CRACDL: variants seen among roughly 807,000 people sequenced by gnomAD.
CRACDL encodes CRACD like.
A neutral mutation model predicts 70.6 loss-of-function variants in CRACDL; 26 were observed. The observed-to-expected ratio is 0.37, with a 90% CI of 0.27 to 0.51. The LOEUF is 0.51. Among genes scored for constraint, CRACDL ranks in the 20% least tolerant of loss-of-function variants. CRACDL has a pLI of 0.94. For missense variants in CRACDL, 1,283 were observed against 1,376.9 expected (o/e 0.93, Z 1.08); for synonymous variants, 618 against 615.2 (o/e 1.00, Z -0.07).
chr2:98,869,400 C>T (rs1423152941), intron 1 of CRACDL: 8 of 642,630 alleles, frequency 1.2e-5, no homozygotes, highest in South Asian at 6.5e-5. Context: ...TTCCGCCTTC[C>T]ACTCCAAGCC....
Position 98,822,632 on chromosome 2 carries a change from C to T in CRACDL, c.1641G>A (p.Ala547=), listed in dbSNP as rs1271326162. The T allele has an allele frequency of 2.2e-6, 3 of 1,364,538 alleles. No individual in the cohort carries two copies. Among genetic ancestry groups the T allele is most frequent in the Non-Finnish European group, 2.8e-6 (3 of 1,068,886 alleles). The allele number at this position is 1,364,538 out of a possible 1,614,324, so 84.5% of individuals were successfully genotyped here. The change falls in exon 7 of 10, where the codon GCG becomes GCA. Residue 547 remains alanine (A), a synonymous_variant. Coordinates refer to ENST00000397899, the MANE Select transcript of CRACDL (RefSeq NM_207362.3). The surrounding 1 kb of genome is among the most constrained non-coding windows in gnomAD (Gnocchi z 4.9). Reference sequence around the variant, plus strand: ...CCGCCCTCTCGGCGCCCGCCGGTGGCGCCTCGGCTCGCTCGGCCTTGGGGC... The same window carrying T: ...CCGCCCTCTCGGCGCCCGCCGGTGGTGCCTCGGCTCGCTCGGCCTTGGGGC... ...PERPKAERAE[A]PPAGAERAAP...
At chr2:98,902,911 C>T (rs1224243734) in intron 1 of CRACDL, among the ~76,000 whole-genome samples, 1 of 152,110 alleles carries the variant, frequency 6.6e-6, no homozygotes, top group Non-Finnish European at 1.5e-5. Flanking sequence ...GAAAACGAAC[C>T]GACTGTCCTA....
At chr2:98,879,084 T>C (rs1299959873) in intron 1 of CRACDL, among the ~76,000 whole-genome samples, 2 of 152,160 alleles carry the variant, frequency 1.3e-5, no homozygotes, top group Admixed American at 6.5e-5. Context: ...TCCGAGCCCC[T>C]GCCCACTCAC....
chr2:98,816,267 G>T (rs1704779937), intron 7 of CRACDL, among the ~76,000 whole-genome samples: 2 of 152,136 alleles, frequency 1.3e-5, no homozygotes, highest in Admixed American at 1.3e-4. Flanking sequence ...TCAGTTTAGG[G>T]TTTTATGACG....
chr2:98,812,015 C>T (rs187045282), intron 7 of CRACDL, among the ~76,000 whole-genome samples: 20 of 152,276 alleles, frequency 1.3e-4, no homozygotes, highest in African/African-American at 4.6e-4. Flanking sequence ...TGCTCTGTCA[C>T]CCAGGCTGGA....
At chr2:98,812,130 C>T (rs1180265120) in intron 7 of CRACDL, among the ~76,000 whole-genome samples, 3 of 152,170 alleles carry the variant, frequency 2.0e-5, no homozygotes, top group Admixed American at 6.5e-5. Context: ...TGTGCACCAC[C>T]GCACTCAGTT....
intron 1 of CRACDL, among the ~76,000 whole-genome samples, chr2:98,884,579 C>T (rs957211785): frequency 1.3e-5 from 2 of 152,144 alleles, no homozygotes; most frequent in Non-Finnish European, 2.9e-5. Context: ...CTAAAATTCA[C>T]GTGTTGAAAC....
intron 7 of CRACDL, among the ~76,000 whole-genome samples, chr2:98,812,113 C>T (rs1704590112): frequency 6.6e-6 from 1 of 152,142 alleles, no homozygotes; most frequent in Non-Finnish European, 1.5e-5. Context: ...GTTGCTGGGA[C>T]TACAGGTGTG....
intron 1 of CRACDL, among the ~76,000 whole-genome samples, chr2:98,910,349 G>A (rs1255694910): frequency 6.6e-6 from 1 of 151,830 alleles, no homozygotes; most frequent in East Asian, 1.9e-4. Flanking sequence ...GTGAAACCCC[G>A]TCTCTACTAA....
chr2:98,832,355 G>A lies in CRACDL; in HGVS notation c.533C>T (p.Thr178Ile). 1 of 1,614,142 alleles carries A rather than the reference G, an allele frequency of 6.2e-7. No homozygotes were observed. Among genetic ancestry groups the A allele is most frequent in the Non-Finnish European group, 8.5e-7 (1 of 1,180,036 alleles). Residue 178 changes from threonine to isoleucine, a missense_variant, in exon 5 of 10, where the codon ACC becomes ATC. Thr to Ile is a moderately conservative substitution (Grantham distance 89). Coordinates refer to ENST00000397899, the MANE Select transcript of CRACDL (RefSeq NM_207362.3). ...SLLHDVGPGTTIKVSVVSPDH... is the reference protein window; with the variant it reads ...SLLHDVGPGTIIKVSVVSPDH... ...GGTACAGGCCGCACTTGCCTTTATG[G>A]TGGTACCAGGACCCACGTCGTGCAG...
In CRACDL at chr2:98,822,921, T is replaced by G. The variant is rs975393233; in HGVS notation, c.1352A>C (p.Lys451Thr). The change falls in exon 7 of 10, where the codon AAG (lysine) becomes ACG (threonine). Residue 451 changes from lysine to threonine, a missense_variant. Transcript: ENST00000397899. This position sits in a 1 kb window ranked among gnomAD's most constrained non-coding sequence, Gnocchi z 4.9. ...PTPPVLPDEEKGPPGPAPEPE... is the reference protein window; with the variant it reads ...PTPPVLPDEETGPPGPAPEPE... ...CTCAGGCGCCGGCCCTGGGGGCCCC[T>G]TCTCCTCATCCGGGAGCACGGGCGG... is the stretch of plus-strand genomic sequence containing the variant. 2 of 1,472,628 alleles carry G rather than the reference T, an allele frequency of 1.4e-6. No individual in the cohort carries two copies. Among genetic ancestry groups the G allele is most frequent in the South Asian group, 2.7e-5 (2 of 73,530 alleles). The allele number at this position is 1,472,628 out of a possible 1,614,324, so 91.2% of individuals were successfully genotyped here.
chr2:98,869,457 C>T (rs12623171), intron 1 of CRACDL: 12,739 of 276,900 alleles, frequency 0.046, 638 homozygotes, highest in South Asian at 0.14. Context: ...GAGTTGGACT[C>T]GCCTCCCTGT....
intron 1 of CRACDL, among the ~76,000 whole-genome samples, chr2:98,861,416 G>A (rs1271890347): frequency 6.6e-6 from 1 of 152,154 alleles, no homozygotes; most frequent in Non-Finnish European, 1.5e-5. Flanking sequence ...TATAATAAAA[G>A]AGATAGATAA....
chr2:98,919,107 TATGGTGA>T (rs1708737559), intron 1 of CRACDL, among the ~76,000 whole-genome samples: 1 of 152,216 alleles, frequency 6.6e-6, no homozygotes, highest in African/African-American at 2.4e-5. Context: ...TGATTTTGTA[TATGGTGA>T]TAGATAGGGG....
Position 98,838,126 on chromosome 2 carries a change from C to T in CRACDL, c.232G>A (p.Glu78Lys). ...SGPVGYDSED[E>K]LEESRGTLGS... ...ATGTAAAATGCAACTTACTCCAGCT[C>T]ATCCTCGGAGTCGTAGCCCACTGGC... Residue 78 changes from glutamate to lysine, a missense_variant, in exon 3 of 10, where the codon GAG becomes AAG. This residue lies in a region of CRACDL where 362 missense variants were observed against 495.0 expected (regional missense o/e 0.73). Transcript: ENST00000397899. 1.2e-6 allele frequency: 2 copies of T among 1,603,352 alleles called. No individual in the cohort carries two copies. Among genetic ancestry groups the T allele is most frequent in the Non-Finnish European group, 1.7e-6 (2 of 1,175,818 alleles).
intron 1 of CRACDL, among the ~76,000 whole-genome samples, chr2:98,886,352 G>A (rs1407971861): frequency 6.6e-6 from 1 of 152,210 alleles, no homozygotes; most frequent in Non-Finnish European, 1.5e-5. Context: ...TAACTTCACA[G>A]CTGCCTGAGG....
intron 1 of CRACDL, among the ~76,000 whole-genome samples, chr2:98,870,451 G>A (rs947161254): frequency 3.3e-5 from 5 of 152,040 alleles, no homozygotes; most frequent in Non-Finnish European, 5.9e-5. Flanking sequence ...CACGCAGTGC[G>A]CTGAAGGTAG....
At chr2:98,847,349 T>G (rs1159696365) in intron 1 of CRACDL, among the ~76,000 whole-genome samples, 1 of 152,256 alleles carries the variant, frequency 6.6e-6, no homozygotes, top group Non-Finnish European at 1.5e-5. Context: ...AATGGCTACC[T>G]AATATTTTGA....
intron 1 of CRACDL, among the ~76,000 whole-genome samples, chr2:98,867,479 G>A (rs1030006926): frequency 1.3e-5 from 2 of 152,118 alleles, no homozygotes; most frequent in African/African-American, 4.8e-5. Context: ...ATTCATTGAG[G>A]TGAATGTTTT....
Sources: gnomAD v4.1 joint callset for allele counts (sites outside exome capture counted in the v4.1 genomes callset) on GRCh38, gnomAD v4.1.1 for gene constraint, gnomAD v4.1.1 regional missense constraint, Gnocchi (gnomAD v3.1) non-coding constraint, MANE v1.5 for transcripts, NCBI Gene and HGNC (gene_info 2026-07-23, HGNC 2026-07-21) for gene names.